Variants in RTTN observed in about 807,000 individuals in gnomAD.
RTTN encodes the protein rotatin.
Under a neutral mutation model 269.2 loss-of-function variants are expected in RTTN, and 182 were observed. The ratio of observed to expected loss-of-function variants is 0.68; its 90% CI spans 0.60 to 0.76. The LOEUF (loss-of-function observed/expected upper bound fraction) is 0.76, where lower values mean the gene tolerates loss of function less well. Ranked by LOEUF, RTTN falls within the 30% of genes least tolerant of loss-of-function variation. The pLI is 0.00. For synonymous variants in RTTN, 1,006 were observed against 963.5 expected, an observed-to-expected ratio of 1.04 and a Z score of -0.82; for missense variants, 2,545 against 2,608.6, an observed-to-expected ratio of 0.98 and a Z score of 0.53.
At chr18:70,042,119 C>T (rs992702192) in intron 40 of RTTN, among the ~76,000 whole-genome samples, 13 of 146,036 alleles carry the variant, frequency 8.9e-5, no homozygotes, top group South Asian at 8.9e-4. Context: ...GATTACATAG[C>T]GAAAAAAAAA....
At chr18:70,111,849 A>C (rs2059475933) in intron 27 of RTTN, among the ~76,000 whole-genome samples, 1 of 152,200 alleles carries the variant, frequency 6.6e-6, no homozygotes, top group South Asian at 2.1e-4. Context: ...CAAGACACAT[A>C]ATCATCAGAT....
At chr18:70,108,270 C>A (rs1043273811) in intron 28 of RTTN, among the ~76,000 whole-genome samples, 4 of 92,088 alleles carry the variant, frequency 4.3e-5, no homozygotes, top group Non-Finnish European at 1.1e-4. Context: ...GAGCAAGACT[C>A]TGTCTCAAAA....
At chr18:70,048,217 T>C in intron 39 of RTTN, 29 bp from the exon 40 acceptor site, 6 of 1,577,868 alleles carry the variant, frequency 3.8e-6, no homozygotes, top group Non-Finnish European at 4.3e-6. Flanking sequence ...ATGTGAATGT[T>C]TGAAAATTTC....
chr18:70,197,419 G>A (rs1376724494), intron 6 of RTTN, among the ~76,000 whole-genome samples: 1 of 152,188 alleles, frequency 6.6e-6, no homozygotes, highest in Admixed American at 6.5e-5. Context: ...AGACTGGACT[G>A]CAAGTGTCAA....
chr18:70,152,782 T>C (rs1471128821), intron 14 of RTTN, among the ~76,000 whole-genome samples: 6 of 152,120 alleles, frequency 3.9e-5, no homozygotes. Context: ...CCACATCTCA[T>C]CAGGGCTACT....
chr18:70,031,053 C>A, intron 40 of RTTN, 72 bp from the exon 41 acceptor site: 1 of 983,682 alleles, frequency 1.0e-6, no homozygotes, highest in South Asian at 1.6e-5. Flanking sequence ...GAATAAAGAA[C>A]ATTTTCTACT....
At chr18:70,181,938 G>C (rs1230541510) in intron 10 of RTTN, among the ~76,000 whole-genome samples, 1 of 152,096 alleles carries the variant, frequency 6.6e-6, no homozygotes, top group Non-Finnish European at 1.5e-5. Flanking sequence ...GAATCATAAA[G>C]TACCAGCAGC....
At chr18:70,066,729 A>G (rs1244761013) in intron 34 of RTTN, among the ~76,000 whole-genome samples, 1 of 152,220 alleles carries the variant, frequency 6.6e-6, no homozygotes, top group Non-Finnish European at 1.5e-5. Flanking sequence ...ATAAACCATC[A>G]TTCCAGACTC....
At chr18:70,149,654 A>G (rs1328328753) in intron 16 of RTTN, among the ~76,000 whole-genome samples, 1 of 152,164 alleles carries the variant, frequency 6.6e-6, no homozygotes, top group Non-Finnish European at 1.5e-5. Context: ...GGTCTCCTTA[A>G]AAAGCACTGT....
chr18:70,120,430 G>A (rs1273015650), intron 26 of RTTN, among the ~76,000 whole-genome samples: 2 of 152,040 alleles, frequency 1.3e-5, no homozygotes, highest in African/African-American at 4.8e-5. Flanking sequence ...ATATCAGTTA[G>A]CATTTCTGAC....
At chr18:70,121,150 G>A (rs936829508) in intron 26 of RTTN, among the ~76,000 whole-genome samples, 27 of 152,088 alleles carry the variant, frequency 1.8e-4, no homozygotes, top group African/African-American at 6.5e-4. Context: ...CGTTATTTAA[G>A]GCCTGAACAC....
chr18:70,004,067 G>A lies in RTTN; in HGVS notation c.*84C>T. ...TTGTAGAGAGGTAGCACGTCTTCAG[G>A]TAACAGCTGCTACACACAGCTGGCT... is the stretch of plus-strand genomic sequence containing the variant. On this transcript the variant is annotated 3_prime_UTR_variant, in exon 49 of 49. Transcript: ENST00000640769. 1 of 995,108 alleles carries A rather than the reference G, an allele frequency of 1.0e-6. No individual in the cohort carries two copies. The highest frequency in any genetic ancestry group is 1.6e-6 in the Non-Finnish European group (1 of 625,578). 61.6% of individuals were successfully genotyped at this position (995,108 alleles called of 1,614,324 possible). A position where few individuals can be genotyped will look rare whatever the true frequency, so the allele number is the denominator to read the frequency against.
chr18:70,004,244 A>T lies in RTTN; in HGVS notation c.6596-8T>A, dbSNP rs772525574. 1.3e-4 allele frequency: 210 copies of T among 1,597,860 alleles called. No homozygotes were observed. The highest frequency in any genetic ancestry group is 1.7e-4 in the Non-Finnish European group (198 of 1,165,576). On this transcript the variant is annotated splice_region_variant and splice_polypyrimidine_tract_variant and intron_variant, in intron 48 of 48. Coordinates refer to ENST00000640769, the MANE Select transcript of RTTN (RefSeq NM_173630.4). ...CTTCTGAGTTTGGGAAAGCTGAGAT[A>T]GAAAAATAAGAGTACAGAAATACTA...
At position 70,046,262 on chromosome 18, in the gene RTTN, T is replaced by G. The variant is rs576950415; in HGVS notation, c.5541+1709A>C. Among the ~76,000 whole-genome samples, 5 of 152,220 alleles carry G rather than the reference T, an allele frequency of 3.3e-5. No individual in the cohort carries two copies. The East Asian group carries it at 9.7e-4, about 30-fold the overall frequency. ...AGGATTGGTTGCAGGACACCCACAGTCATCCATGCAGAGCCAGGCTCCCAC... is the reference window on the plus strand; with the variant it reads ...AGGATTGGTTGCAGGACACCCACAGGCATCCATGCAGAGCCAGGCTCCCAC... On this transcript the variant is annotated intron_variant, in intron 40 of 48. Coordinates refer to ENST00000640769, the MANE Select transcript of RTTN (RefSeq NM_173630.4).
chr18:70,184,696 A>C (rs1453263417), intron 10 of RTTN, among the ~76,000 whole-genome samples: 123 of 75,796 alleles, frequency 1.6e-3, no homozygotes, highest in South Asian at 3.7e-3. Flanking sequence ...ATTCAAAACC[A>C]CAGCAGGTTT....
rs775664979 is a variant in RTTN at position 70,190,534 on chromosome 18, T to C, written c.1189+4A>G. 1.3e-6 allele frequency: 2 copies of C among 1,596,406 alleles called. No individual in the cohort carries two copies. The highest frequency in any genetic ancestry group is 1.3e-5 in the African/African-American group (1 of 74,728). ...TCAGAATTACGATTTCTAAAACAAC[T>C]AACCTGTTCTTAAGAGAGGAACAGC... On this transcript the variant is annotated splice_donor_region_variant and intron_variant, in intron 9 of 48. Transcript: ENST00000640769.
Position 70,048,143 on chromosome 18 carries a change from A to G in RTTN, c.5369T>C (p.Leu1790Pro). 6.2e-7 allele frequency: 1 copy of G among 1,614,144 alleles called. No individual in the cohort carries two copies. Among genetic ancestry groups the G allele is most frequent in the Non-Finnish European group, 8.5e-7 (1 of 1,179,984 alleles). Residue 1790 changes from leucine (L) to proline (P), a missense_variant, in exon 40 of 49, where the codon CTG becomes CCG. Transcript: ENST00000640769. ...CAGLSATCPA[L>P]YTASLQFLSV... Reference sequence around the variant, plus strand: ...AAGGAATTGCAAGCTGGCAGTATACAGGGCAGGACACGTGGCAGACAAGCC... The same window carrying G: ...AAGGAATTGCAAGCTGGCAGTATACGGGGCAGGACACGTGGCAGACAAGCC...
chr18:70,145,929 T>A (rs1003243252), intron 17 of RTTN, 146 bp from the exon 18 acceptor site: 18 of 497,130 alleles, frequency 3.6e-5, no homozygotes, highest in Non-Finnish European at 5.7e-5. Context: ...ATTTACTTTT[T>A]CTACTAAAAA....
At chr18:70,167,194 C>T (rs1010039965) in intron 12 of RTTN, among the ~76,000 whole-genome samples, 163 bp from the exon 13 acceptor site, 1 of 152,128 alleles carries the variant, frequency 6.6e-6, no homozygotes, top group Non-Finnish European at 1.5e-5. Flanking sequence ...AAATGTCAGC[C>T]GAGGTGGAGA....
Sources: allele counts gnomAD v4.1 joint callset (sites outside exome capture counted in the v4.1 genomes callset), GRCh38; gene constraint gnomAD v4.1.1; transcripts MANE v1.5; gene names NCBI Gene and HGNC (gene_info 2026-07-23, HGNC 2026-07-21).